ATG10: variants seen among roughly 807,000 people sequenced by gnomAD.
The protein encoded by ATG10 is ubiquitin-like-conjugating enzyme ATG10.
ATG10 carries 30 observed loss-of-function variants against 32.1 expected under a neutral mutation model. The observed-to-expected ratio is 0.94, with a 90% CI of 0.70 to 1.27. The LOEUF (loss-of-function observed/expected upper bound fraction) is 1.27, where lower values mean the gene tolerates loss of function less well. Among genes scored for constraint, ATG10 ranks in the 50% most tolerant of loss-of-function variants. The pLI is 0.00. For synonymous variants in ATG10, 87 were observed against 91.5 expected (o/e 0.95, Z 0.28); for missense variants, 233 against 262.3 (o/e 0.89, Z 0.77).
intron 3 of ATG10, among the ~76,000 whole-genome samples, chr5:82,140,012 C>G (rs866349785): frequency 5.4e-3 from 602 of 111,270 alleles, no homozygotes; most frequent in Middle Eastern, 0.014. Context: ...GCCGCCCCTA[C>G]TGGGAAGTGA....
At chr5:82,225,859 T>G (rs1415110994) in intron 5 of ATG10, among the ~76,000 whole-genome samples, 6 of 152,196 alleles carry the variant, frequency 3.9e-5, no homozygotes, top group African/African-American at 1.4e-4. Flanking sequence ...TATGCTAACA[T>G]TCTCTAGTGT....
At chr5:82,169,824 C>T (rs1222468117) in intron 4 of ATG10, among the ~76,000 whole-genome samples, 1 of 152,126 alleles carries the variant, frequency 6.6e-6, no homozygotes, top group African/African-American at 2.4e-5. Flanking sequence ...CTAACTAATA[C>T]AAATATATTC....
intron 3 of ATG10, among the ~76,000 whole-genome samples, chr5:82,127,478 T>C (rs1056921177): frequency 3.3e-5 from 5 of 152,172 alleles, no homozygotes; most frequent in African/African-American, 1.2e-4. Context: ...TTCTGGTACA[T>C]TGTATCTTTG....
intron 3 of ATG10, among the ~76,000 whole-genome samples, chr5:82,059,352 C>T (rs1763696979): frequency 6.6e-6 from 1 of 150,416 alleles, no homozygotes; most frequent in Non-Finnish European, 1.5e-5. Flanking sequence ...CCACTGGTAA[C>T]ATTTTAGTAA....
intron 5 of ATG10, among the ~76,000 whole-genome samples, chr5:82,212,358 C>T (rs1459913063): frequency 6.6e-6 from 1 of 152,204 alleles, no homozygotes; most frequent in African/African-American, 2.4e-5. Flanking sequence ...CCTGAAGCAA[C>T]ACCCTTTCTC....
At position 82,125,327 on chromosome 5, in the gene ATG10, T is replaced by A. The variant is rs1766221494; in HGVS notation, c.217-39072T>A. ...TTTTCAATTTTGGCTTTTGTTGCCA[T>A]TGCTTTTGGTGTTTTAGTCATAAAG... is the stretch of plus-strand genomic sequence containing the variant. On this transcript the variant is annotated intron_variant, in intron 3 of 7. Coordinates refer to ENST00000282185, the MANE Select transcript of ATG10 (RefSeq NM_031482.5). Among the ~76,000 whole-genome samples, 5 of 152,228 alleles carry A rather than the reference T, an allele frequency of 3.3e-5. No individual in the cohort carries two copies. In the South Asian group the frequency reaches 1.0e-3, roughly 31 times the overall value.
chr5:82,167,656 A>G (rs1229634897), intron 4 of ATG10, among the ~76,000 whole-genome samples: 3 of 152,188 alleles, frequency 2.0e-5, no homozygotes, highest in Non-Finnish European at 4.4e-5. Context: ...AAAATAGAAC[A>G]TCCTGAGGAC....
At chr5:82,226,201 C>G (rs189197251) in intron 5 of ATG10, among the ~76,000 whole-genome samples, 104 of 152,238 alleles carry the variant, frequency 6.8e-4, no homozygotes, top group African/African-American at 2.3e-3. Flanking sequence ...GAACATCAAA[C>G]CTTTTAATTA....
chr5:82,175,536 A>G (rs1366317995), intron 4 of ATG10, among the ~76,000 whole-genome samples: 6 of 152,254 alleles, frequency 3.9e-5, no homozygotes, highest in Admixed American at 3.9e-4. Context: ...TGTACACTTC[A>G]CATGGGTGAA....
intron 5 of ATG10, among the ~76,000 whole-genome samples, chr5:82,239,697 C>T (rs917803123): frequency 7.2e-5 from 11 of 151,978 alleles, no homozygotes; most frequent in African/African-American, 2.4e-4. Flanking sequence ...AGCTTCTGCA[C>T]AGCAAAGGAA....
chr5:82,238,726 A>G (rs1746668887), intron 5 of ATG10, among the ~76,000 whole-genome samples: 1 of 152,174 alleles, frequency 6.6e-6, no homozygotes, highest in Non-Finnish European at 1.5e-5. Flanking sequence ...AATCTTACCC[A>G]CAATAAGTAT....
At chr5:82,080,779 T>C (rs1764451609) in intron 3 of ATG10, among the ~76,000 whole-genome samples, 1 of 152,236 alleles carries the variant, frequency 6.6e-6, no homozygotes, top group African/African-American at 2.4e-5. Context: ...TGTAGTATAG[T>C]TTGAAGTCAG....
intron 3 of ATG10, among the ~76,000 whole-genome samples, chr5:82,071,501 G>A (rs16899359): frequency 0.24 from 35,821 of 151,958 alleles, 4,520 homozygotes; most frequent in African/African-American, 0.33. Context: ...TGCCAACTTC[G>A]AAAAATGTTT....
chr5:82,107,514 A>G (rs1765479946), intron 3 of ATG10, among the ~76,000 whole-genome samples: 1 of 152,124 alleles, frequency 6.6e-6, no homozygotes, highest in Non-Finnish European at 1.5e-5. Context: ...TGTTTACCTT[A>G]AAGCTTACAA....
At chr5:82,202,117 T>C (rs1745092600) in intron 5 of ATG10, among the ~76,000 whole-genome samples, 1 of 152,182 alleles carries the variant, frequency 6.6e-6, no homozygotes, top group African/African-American at 2.4e-5. Flanking sequence ...CTTGCCACAT[T>C]GCACTGGCTA....
intron 3 of ATG10, among the ~76,000 whole-genome samples, chr5:82,105,986 A>C (rs1030681707): frequency 6.6e-6 from 1 of 152,152 alleles, no homozygotes; most frequent in Non-Finnish European, 1.5e-5. Flanking sequence ...TAATTTTGTT[A>C]TACATTGTTT....
intron 4 of ATG10, among the ~76,000 whole-genome samples, chr5:82,168,851 A>G (rs1743682556): frequency 6.6e-6 from 1 of 152,228 alleles, no homozygotes; most frequent in African/African-American, 2.4e-5. Flanking sequence ...TTGCAATAAG[A>G]GGACATCTTT....
In ATG10 at chr5:82,252,808, C is replaced by A. The variant is rs11956814; in HGVS notation, c.551+149C>A. ...TTTTTAGGATATGCTAGATGCTGTT[C>A]TAAGAGTTTTAGATACAGTAAGACA... On this transcript the variant is annotated intron_variant, in intron 6 of 7. Coordinates refer to ENST00000282185, the MANE Select transcript of ATG10 (RefSeq NM_031482.5). 2.8e-3 allele frequency: 1,669 copies of A among 588,070 alleles called. 15 individuals are homozygous for A. Among genetic ancestry groups the A allele is most frequent in the African/African-American group, 0.028 (1,480 of 52,438 alleles). 36.4% of individuals were successfully genotyped at this position (588,070 alleles called of 1,614,324 possible). A position where few individuals can be genotyped will look rare whatever the true frequency, so the allele number is the denominator to read the frequency against.
chr5:82,170,379 T>G (rs369918096), intron 4 of ATG10, among the ~76,000 whole-genome samples: 69 of 152,322 alleles, frequency 4.5e-4, no homozygotes, highest in African/African-American at 1.7e-3. Flanking sequence ...TTGTAACTCA[T>G]GTATTGTTTT....
Sources: gnomAD v4.1 joint callset for allele counts (sites outside exome capture counted in the v4.1 genomes callset) on GRCh38, gnomAD v4.1.1 for gene constraint, MANE v1.5 for transcripts, NCBI Gene and HGNC (gene_info 2026-07-23, HGNC 2026-07-21) for gene names.